Variants in SPOCK1 observed in about 807,000 individuals in gnomAD.
SPOCK1 encodes the protein testican-1.
In SPOCK1, 23 loss-of-function variants were observed where a neutral mutation model predicts 55.3. The ratio of observed to expected loss-of-function variants is 0.42; its 90% CI spans 0.30 to 0.59. The LOEUF (loss-of-function observed/expected upper bound fraction) is 0.59, where lower values mean the gene tolerates loss of function less well. SPOCK1 is among the 20% of genes least tolerant of loss of function. The pLI is 0.22. For missense variants in SPOCK1, 499 were observed against 552.5 expected, an observed-to-expected ratio of 0.90 and a Z score of 0.97; for synonymous variants, 226 against 221.0, an observed-to-expected ratio of 1.02 and a Z score of -0.20.
intron 3 of SPOCK1, among the ~76,000 whole-genome samples, chr5:137,200,873 A>G (rs1011305306): frequency 6.6e-6 from 1 of 152,164 alleles, no homozygotes; most frequent in Non-Finnish European, 1.5e-5. Flanking sequence ...TGGAACCCAG[A>G]GCCGATTCTA....
At chr5:137,323,362 C>G (rs557111736) in intron 2 of SPOCK1, among the ~76,000 whole-genome samples, 3 of 152,090 alleles carry the variant, frequency 2.0e-5, no homozygotes, top group Admixed American at 6.5e-5. Flanking sequence ...CAAAGGAGAA[C>G]AGGGTGGTCA....
At chr5:137,038,576 C>G (rs1372968815) in intron 6 of SPOCK1, among the ~76,000 whole-genome samples, 2 of 152,134 alleles carry the variant, frequency 1.3e-5, no homozygotes, top group East Asian at 3.8e-4. Flanking sequence ...AGAACAACAA[C>G]AAAAAATTGG....
chr5:137,393,131 A>G (rs1751762623), intron 2 of SPOCK1, among the ~76,000 whole-genome samples: 1 of 152,190 alleles, frequency 6.6e-6, no homozygotes, highest in South Asian at 2.1e-4. Flanking sequence ...GCAAGCAAGA[A>G]GGGCAATGAG....
At chr5:137,352,112 A>G (rs1039186322) in intron 2 of SPOCK1, among the ~76,000 whole-genome samples, 2 of 152,196 alleles carry the variant, frequency 1.3e-5, no homozygotes, top group Non-Finnish European at 2.9e-5. Context: ...CTTCCCCCTC[A>G]TGAGTAAAAT....
At chr5:137,445,145 A>G (rs895874583) in intron 2 of SPOCK1, among the ~76,000 whole-genome samples, 1 of 152,018 alleles carries the variant, frequency 6.6e-6, no homozygotes, top group African/African-American at 2.4e-5. Context: ...CACCCTAGAC[A>G]TTGCGTTTTC....
intron 2 of SPOCK1, among the ~76,000 whole-genome samples, chr5:137,469,288 G>A (rs577183212): frequency 5.3e-5 from 8 of 152,292 alleles, no homozygotes; most frequent in African/African-American, 1.9e-4. Context: ...AAGGAAACAC[G>A]AATATGTAGT....
In SPOCK1 at chr5:136,976,538, A is replaced by C. The variant is rs1262660890; in HGVS notation, c.*2116T>G. On this transcript the variant is annotated 3_prime_UTR_variant, in exon 11 of 11. Coordinates refer to ENST00000394945, the MANE Select transcript of SPOCK1 (RefSeq NM_004598.4). ...TTGTACATTTTCCTAAGCTCAAAGG[A>C]GATAGTAACAATGGTTTTCTTTGAT... is the stretch of plus-strand genomic sequence containing the variant. 1 of 152,660 alleles carries C rather than the reference A, an allele frequency of 6.6e-6. No individual in the cohort carries two copies. The highest frequency in any genetic ancestry group is 2.4e-5 in the African/African-American group (1 of 41,470). The allele number at this position is 152,660 out of a possible 1,614,324, so 9.5% of individuals were successfully genotyped here.
chr5:136,998,533 T>G (rs1751090235), intron 6 of SPOCK1, among the ~76,000 whole-genome samples: 1 of 152,212 alleles, frequency 6.6e-6, no homozygotes, highest in South Asian at 2.1e-4. Flanking sequence ...CTGGATATAT[T>G]GGTCTTGTGG....
intron 2 of SPOCK1, among the ~76,000 whole-genome samples, chr5:137,316,089 C>T (rs146349077): frequency 1.4e-3 from 217 of 152,244 alleles, no homozygotes; most frequent in African/African-American, 4.8e-3. Context: ...TTCTGGAAGC[C>T]GGGAAATCCA....
chr5:137,211,605 G>A (rs1433192703), intron 3 of SPOCK1, among the ~76,000 whole-genome samples: 2 of 152,134 alleles, frequency 1.3e-5, no homozygotes, highest in African/African-American at 4.8e-5. Context: ...TGGCAGTTGG[G>A]GGCCCCAAGA....
At chr5:137,477,756 A>T (rs896521312) in intron 2 of SPOCK1, among the ~76,000 whole-genome samples, 11 of 150,104 alleles carry the variant, frequency 7.3e-5, no homozygotes, top group Admixed American at 5.9e-4. Flanking sequence ...TAAGCTCCAC[A>T]TGTCAGCTCA....
At chr5:137,373,755 C>A (rs1751251957) in intron 2 of SPOCK1, among the ~76,000 whole-genome samples, 1 of 152,222 alleles carries the variant, frequency 6.6e-6, no homozygotes, top group Non-Finnish European at 1.5e-5. Flanking sequence ...GGTCTCCCCT[C>A]CAACTCTTGT....
intron 2 of SPOCK1, among the ~76,000 whole-genome samples, chr5:137,378,616 C>T (rs1751383521): frequency 6.6e-6 from 1 of 152,254 alleles, no homozygotes; most frequent in African/African-American, 2.4e-5. Flanking sequence ...AAGAGCTACA[C>T]ACTGACAGTT....
At chr5:137,148,017 G>A (rs573499349) in intron 3 of SPOCK1, among the ~76,000 whole-genome samples, 14 of 152,226 alleles carry the variant, frequency 9.2e-5, no homozygotes, top group South Asian at 8.3e-4. Flanking sequence ...CAAAAGAAGC[G>A]CCTTTCCCTT....
At chr5:137,156,019 C>A (rs1325086198) in intron 3 of SPOCK1, among the ~76,000 whole-genome samples, 2 of 152,184 alleles carry the variant, frequency 1.3e-5, no homozygotes, top group South Asian at 2.1e-4. Context: ...TTTCAGACTA[C>A]GTTTACTCCT....
chr5:137,472,061 T>A (rs930432991), intron 2 of SPOCK1, among the ~76,000 whole-genome samples: 2 of 152,146 alleles, frequency 1.3e-5, no homozygotes, highest in African/African-American at 4.8e-5. Flanking sequence ...AGACTCTCCC[T>A]CCACTAAGAA....
intron 6 of SPOCK1, 90 bp from the exon 7 acceptor site, chr5:136,992,690 A>C: frequency 1.1e-6 from 1 of 929,672 alleles, no homozygotes; most frequent in African/African-American, 1.7e-5. Context: ...TTCAAAGCAA[A>C]CCTTTCTATC....
chr5:137,409,478 A>G (rs931393963), intron 2 of SPOCK1, among the ~76,000 whole-genome samples: 6 of 152,240 alleles, frequency 3.9e-5, no homozygotes, highest in African/African-American at 1.4e-4. Flanking sequence ...AGAGTCAGAC[A>G]GCCTGGGCTC....
At chr5:137,201,939 GC>G (rs1755433984) in intron 3 of SPOCK1, among the ~76,000 whole-genome samples, 1 of 152,196 alleles carries the variant, frequency 6.6e-6, no homozygotes, top group Non-Finnish European at 1.5e-5. Flanking sequence ...ACCCCAGCAA[GC>G]CACACAACTC....
Sources: allele counts gnomAD v4.1 joint callset (sites outside exome capture counted in the v4.1 genomes callset), GRCh38; gene constraint gnomAD v4.1.1; transcripts MANE v1.5; gene names NCBI Gene and HGNC (gene_info 2026-07-23, HGNC 2026-07-21).